The following PCDH9 variants were observed in gnomAD, a reference collection of about 807,000 sequenced individuals.
PCDH9 encodes the protein protocadherin-9.
In PCDH9, 24 loss-of-function variants were observed where a neutral mutation model predicts 70.6. The observed-to-expected ratio is 0.34, with a 90% CI of 0.25 to 0.48. The LOEUF is 0.48. Among genes scored for constraint, PCDH9 ranks in the 20% least tolerant of loss-of-function variants. PCDH9 has a pLI of 0.99. For synonymous variants in PCDH9, 562 were observed against 558.5 expected, an observed-to-expected ratio of 1.01 and a Z score of -0.09; for missense variants, 1,281 against 1,503.6, an observed-to-expected ratio of 0.85 and a Z score of 2.45.
intron 4 of PCDH9, among the ~76,000 whole-genome samples, chr13:66,444,060 A>G (rs1175069624): frequency 6.6e-6 from 1 of 152,122 alleles, no homozygotes; most frequent in Non-Finnish European, 1.5e-5. Flanking sequence ...CTAGTTCAAG[A>G]CTGATCCTAT....
rs566078405 is a variant in PCDH9, at chr13:67,093,514, T to C, written c.3036+131891A>G. On this transcript the variant is annotated intron_variant, in intron 2 of 4. Coordinates refer to ENST00000377865, the MANE Select transcript of PCDH9 (RefSeq NM_203487.3). The stretch of plus-strand genomic sequence containing the variant: ...GCAAAATTAAGATTGTCAACTATAC[T>C]CTCAGAGCTCTAAACCAAGCAAAAA... Among the ~76,000 whole-genome samples, 130 of 152,016 alleles carry C rather than the reference T, an allele frequency of 8.6e-4. 2 individuals carry two copies. The highest frequency in any genetic ancestry group is 1.6e-3 in the Non-Finnish European group (108 of 67,980).
At chr13:66,429,065 G>GTTTTTTTTTTGTTTTTTTTTTTTT (rs1957722279) in intron 4 of PCDH9, among the ~76,000 whole-genome samples, 2 of 151,528 alleles carry the variant, frequency 1.3e-5, no homozygotes, top group African/African-American at 4.9e-5. Flanking sequence ...AGCACATGCA[G>GTTTTTTTTTTGTTTTTTTTTTTTT]TTTTATATTA....
At chr13:66,666,928 A>G (rs956132946) in intron 3 of PCDH9, among the ~76,000 whole-genome samples, 1 of 152,172 alleles carries the variant, frequency 6.6e-6, no homozygotes, top group Non-Finnish European at 1.5e-5. Context: ...TTTATATTTA[A>G]GAAAAATAAA....
intron 4 of PCDH9, among the ~76,000 whole-genome samples, chr13:66,559,076 G>A (rs918920828): frequency 5.3e-5 from 8 of 152,132 alleles, no homozygotes; most frequent in African/African-American, 1.9e-4. Context: ...TTTCTCTTGT[G>A]CAGTGACTTA....
intron 2 of PCDH9, among the ~76,000 whole-genome samples, chr13:67,049,572 T>C (rs908929881): frequency 1.3e-5 from 2 of 152,194 alleles, no homozygotes; most frequent in African/African-American, 4.8e-5. Flanking sequence ...TAACACCTTT[T>C]GTAAGAATCT....
At chr13:66,583,438 C>T (rs1268392459) in intron 4 of PCDH9, among the ~76,000 whole-genome samples, 1 of 151,938 alleles carries the variant, frequency 6.6e-6, no homozygotes, top group East Asian at 1.9e-4. Flanking sequence ...CAGTGAAAAC[C>T]TGTCTCTACT....
intron 3 of PCDH9, among the ~76,000 whole-genome samples, chr13:66,779,874 T>C (rs1284173570): frequency 4.9e-4 from 1 of 2,060 alleles, no homozygotes; most frequent in Non-Finnish European, 8.9e-3. Context: ...TATACATATA[T>C]GTGTGTGTGT....
At chr13:66,445,774 TTA>T (rs965543024) in intron 4 of PCDH9, among the ~76,000 whole-genome samples, 4 of 144,770 alleles carry the variant, frequency 2.8e-5, no homozygotes, top group Non-Finnish European at 6.0e-5. Context: ...CACATATATA[TTA>T]TATATACACA....
At chr13:66,405,236 T>C (rs1015898429) in intron 4 of PCDH9, among the ~76,000 whole-genome samples, 18 of 152,234 alleles carry the variant, frequency 1.2e-4, no homozygotes, top group African/African-American at 4.3e-4. Context: ...CACTTCTTCA[T>C]TTCTCTTTAT....
intron 2 of PCDH9, among the ~76,000 whole-genome samples, chr13:67,032,646 A>ACTCAT (rs1192924898): frequency 1.3e-5 from 2 of 152,206 alleles, no homozygotes; most frequent in Non-Finnish European, 2.9e-5. Flanking sequence ...ATTGACTGAG[A>ACTCAT]CTCATTATGA....
At chr13:66,816,914 G>T (rs1413472896) in intron 3 of PCDH9, among the ~76,000 whole-genome samples, 1 of 149,166 alleles carries the variant, frequency 6.7e-6, no homozygotes, top group Non-Finnish European at 1.5e-5. Context: ...AGGATAATGT[G>T]AGCTGACTAT....
chr13:67,201,585 T>G (rs866671283), intron 2 of PCDH9: 2 of 152,032 alleles, frequency 1.3e-5, no homozygotes, highest in African/African-American at 4.8e-5. Flanking sequence ...TCAACATTAT[T>G]TTGGCTATTT....
At chr13:66,345,547 G>A (rs938357292) in intron 4 of PCDH9, among the ~76,000 whole-genome samples, 9 of 152,092 alleles carry the variant, frequency 5.9e-5, no homozygotes, top group African/African-American at 2.2e-4. Flanking sequence ...CAGGCAACGA[G>A]GCCCTTCAAG....
intron 3 of PCDH9, among the ~76,000 whole-genome samples, chr13:66,731,615 C>A (rs2079080891): frequency 6.6e-6 from 1 of 151,932 alleles, no homozygotes; most frequent in South Asian, 2.1e-4. Flanking sequence ...TTAGCTCTTG[C>A]ATGGAAAGAA....
At chr13:66,929,085 T>A (rs1382947649) in intron 2 of PCDH9, among the ~76,000 whole-genome samples, 1 of 152,116 alleles carries the variant, frequency 6.6e-6, no homozygotes, top group African/African-American at 2.4e-5. Context: ...GTTAATAACT[T>A]TTTAGCAAAA....
At chr13:66,671,601 A>G (rs1036363373) in intron 3 of PCDH9, among the ~76,000 whole-genome samples, 1 of 152,164 alleles carries the variant, frequency 6.6e-6, no homozygotes, top group African/African-American at 2.4e-5. Context: ...AACTGGAATA[A>G]AGGTGACTCT....
chr13:67,124,204 G>A (rs1436233047), intron 2 of PCDH9, among the ~76,000 whole-genome samples: 1 of 152,014 alleles, frequency 6.6e-6, no homozygotes, highest in Non-Finnish European at 1.5e-5. Flanking sequence ...TATCAACTGG[G>A]GATAAGAAAG....
chr13:67,189,634 T>C (rs991043705), intron 2 of PCDH9, among the ~76,000 whole-genome samples: 3 of 151,754 alleles, frequency 2.0e-5, no homozygotes, highest in African/African-American at 7.3e-5. Flanking sequence ...AATTAAAAAA[T>C]AAATGTACAA....
At chr13:67,084,541 G>A (rs1001021460) in intron 2 of PCDH9, among the ~76,000 whole-genome samples, 2 of 151,994 alleles carry the variant, frequency 1.3e-5, no homozygotes, top group Non-Finnish European at 2.9e-5. Flanking sequence ...GGGAGGTCAG[G>A]ACTTAACCAT....
Sources: allele counts gnomAD v4.1 joint callset (sites outside exome capture counted in the v4.1 genomes callset), GRCh38; gene constraint gnomAD v4.1.1; transcripts MANE v1.5; gene names NCBI Gene and HGNC (gene_info 2026-07-23, HGNC 2026-07-21).